The following FRMD4B variants were observed in gnomAD, a reference collection of about 807,000 sequenced individuals.
The protein encoded by FRMD4B is FERM domain containing 4B, also known as FERM domain-containing protein 4B.
A neutral mutation model predicts 141.5 loss-of-function variants in FRMD4B; 74 were observed. The observed-to-expected ratio is 0.52, with a 90% CI of 0.43 to 0.63. The LOEUF is 0.63. Among genes scored for constraint, FRMD4B ranks in the 30% least tolerant of loss-of-function variants. FRMD4B has a pLI of 0.00. For missense variants in FRMD4B, 1,366 were observed against 1,253.4 expected, an observed-to-expected ratio of 1.09 and a Z score of -1.36; for synonymous variants, 506 against 467.9, an observed-to-expected ratio of 1.08 and a Z score of -1.05.
intron 11 of FRMD4B, among the ~76,000 whole-genome samples, chr3:69,199,443 G>A (rs976659854): frequency 2.6e-5 from 4 of 152,206 alleles, no homozygotes; most frequent in Non-Finnish European, 4.4e-5. Flanking sequence ...TAGTTAAATG[G>A]AAAGATATTC....
At chr3:69,222,467 C>A (rs1380358166) in intron 8 of FRMD4B, among the ~76,000 whole-genome samples, 361 of 94,826 alleles carry the variant, frequency 3.8e-3, no homozygotes, top group Middle Eastern at 8.5e-3. Flanking sequence ...AAATCCATCT[C>A]AAAAAAAAAA....
At chr3:69,253,148 G>A (rs1386699809) in intron 5 of FRMD4B, among the ~76,000 whole-genome samples, 1 of 151,366 alleles carries the variant, frequency 6.6e-6, no homozygotes, top group Admixed American at 6.6e-5. Flanking sequence ...ATAGTTTTGG[G>A]GCTCGCAAGG....
intron 1 of FRMD4B, among the ~76,000 whole-genome samples, chr3:69,458,761 G>T (rs1705657871): frequency 6.7e-6 from 1 of 148,694 alleles, no homozygotes; most frequent in African/African-American, 2.5e-5. Flanking sequence ...CAGTGTATTG[G>T]TAGATTCTAC....
intron 1 of FRMD4B, among the ~76,000 whole-genome samples, chr3:69,466,894 G>T (rs971649168): frequency 6.6e-5 from 10 of 151,984 alleles, no homozygotes; most frequent in Non-Finnish European, 1.5e-4. Flanking sequence ...TAGAGTCAGG[G>T]TCTCACCATG....
At chr3:69,354,395 T>G (rs1216444982) in intron 1 of FRMD4B, among the ~76,000 whole-genome samples, 3 of 152,154 alleles carry the variant, frequency 2.0e-5, no homozygotes, top group African/African-American at 7.2e-5. Flanking sequence ...GGTATCATGC[T>G]TCTCCCTCCT....
chr3:69,439,133 G>C (rs1705305419), intron 1 of FRMD4B, among the ~76,000 whole-genome samples: 1 of 152,094 alleles, frequency 6.6e-6, no homozygotes, highest in South Asian at 2.1e-4. Context: ...TTTTTATAAA[G>C]AGTATTATGC....
chr3:69,472,320 T>C, intron 1 of FRMD4B: 2 of 465,078 alleles, frequency 4.3e-6, no homozygotes, highest in Non-Finnish European at 8.5e-6. Context: ...TCTTTGCATA[T>C]TACAGATGCA....
chr3:69,275,065 GT>G (rs2106953690), intron 5 of FRMD4B, among the ~76,000 whole-genome samples: 1 of 152,310 alleles, frequency 6.6e-6, no homozygotes, highest in East Asian at 1.9e-4. Context: ...AGAGGTCAAA[GT>G]AGCTGAAATA....
At chr3:69,342,954 A>G (rs1702787041) in intron 1 of FRMD4B, among the ~76,000 whole-genome samples, 1 of 152,068 alleles carries the variant, frequency 6.6e-6, no homozygotes, top group South Asian at 2.1e-4. Context: ...TAGTTTTAAA[A>G]TATTTTATTT....
At chr3:69,287,172 T>C (rs1045691441) in intron 5 of FRMD4B, among the ~76,000 whole-genome samples, 1 of 152,236 alleles carries the variant, frequency 6.6e-6, no homozygotes, top group Non-Finnish European at 1.5e-5. Flanking sequence ...TAGCAATGCA[T>C]GTTTATTGAA....
intron 1 of FRMD4B, among the ~76,000 whole-genome samples, chr3:69,482,124 C>T (rs1706134002): frequency 6.6e-6 from 1 of 152,206 alleles, no homozygotes. Context: ...ACTGAGCACA[C>T]ATTCATTAGC....
At chr3:69,372,591 G>A (rs1274356347) in intron 1 of FRMD4B, among the ~76,000 whole-genome samples, 3 of 152,162 alleles carry the variant, frequency 2.0e-5, no homozygotes, top group Admixed American at 6.5e-5. Context: ...CCGGAACCTG[G>A]GAGGTGGAGG....
chr3:69,393,271 A>T (rs1553735725), intron 2 of FRMD4B, among the ~76,000 whole-genome samples: 1 of 150,906 alleles, frequency 6.6e-6, no homozygotes, highest in Non-Finnish European at 1.5e-5. Context: ...TTATCAAATT[A>T]AAGTCTCCTT....
chr3:69,267,274 C>G (rs2093566813), intron 5 of FRMD4B, among the ~76,000 whole-genome samples: 1 of 152,010 alleles, frequency 6.6e-6, no homozygotes, highest in South Asian at 2.1e-4. Context: ...CAGTGTAATA[C>G]AAGCCAAAGG....
intron 2 of FRMD4B, among the ~76,000 whole-genome samples, chr3:69,399,516 G>A (rs1375316851): frequency 1.3e-5 from 2 of 152,164 alleles, no homozygotes. Context: ...TATGAGATCT[G>A]ACTGTAAGGA....
At chr3:69,205,151 A>T (rs2107685097) in intron 11 of FRMD4B, among the ~76,000 whole-genome samples, 1 of 151,118 alleles carries the variant, frequency 6.6e-6, no homozygotes, top group South Asian at 2.1e-4. Context: ...CATTTGCGGG[A>T]TAGGACTGAG....
intron 20 of FRMD4B, 39 bp downstream of exon 20, chr3:69,182,559 A>G: frequency 6.4e-7 from 1 of 1,561,086 alleles, no homozygotes. Context: ...CAAAGCAAAA[A>G]TCAAGACAGC....
intron 1 of FRMD4B, among the ~76,000 whole-genome samples, chr3:69,501,263 T>A (rs558707517): frequency 1.8e-3 from 268 of 146,954 alleles, no homozygotes; most frequent in African/African-American, 6.6e-3. Flanking sequence ...TAATCAGCTA[T>A]CCTTAGCGTT....
intron 1 of FRMD4B, among the ~76,000 whole-genome samples, chr3:69,349,806 C>A (rs1703073782): frequency 6.6e-6 from 1 of 152,112 alleles, no homozygotes; most frequent in Admixed American, 6.6e-5. Context: ...TTCCTTACAC[C>A]TTACACAAAA....
Sources: gnomAD v4.1 joint callset for allele counts (sites outside exome capture counted in the v4.1 genomes callset) on GRCh38, gnomAD v4.1.1 for gene constraint, MANE v1.5 for transcripts, NCBI Gene and HGNC (gene_info 2026-07-23, HGNC 2026-07-21) for gene names.